Variants in PARD6G observed in about 807,000 individuals in gnomAD.
PARD6G encodes the protein partitioning defective 6 homolog gamma.
A neutral mutation model predicts 10.7 loss-of-function variants in PARD6G; 7 were observed. That is an observed-to-expected ratio of 0.66 (90% CI 0.37 to 1.23). The LOEUF (loss-of-function observed/expected upper bound fraction) is 1.23, where lower values mean the gene tolerates loss of function less well. Among genes scored for constraint, PARD6G ranks in the 50% most tolerant of loss-of-function variants. PARD6G has a pLI of 0.02. For missense variants in PARD6G, 548 were observed against 571.8 expected (o/e 0.96, Z 0.42); for synonymous variants, 287 against 269.4 (o/e 1.07, Z -0.64).
chr18:80,243,328 G>C (rs1967509426), intron 1 of PARD6G, among the ~76,000 whole-genome samples: 1 of 152,124 alleles, frequency 6.6e-6, no homozygotes, highest in Non-Finnish European at 1.5e-5. Flanking sequence ...AGTTAGAGGG[G>C]AAGCCGGCTA....
Position 80,246,323 on chromosome 18 carries a change from A to C in PARD6G, c.72+954T>G, listed in dbSNP as rs554180230. ...CCTCCTCAGCCCGCGGGGTCCACCAAGGAGACCCTCACAAACAATAGCATC... is the reference window on the plus strand; with the variant it reads ...CCTCCTCAGCCCGCGGGGTCCACCACGGAGACCCTCACAAACAATAGCATC... On this transcript the variant is annotated intron_variant, in intron 1 of 2. Transcript: ENST00000353265. The surrounding 1 kb of genome is among the most constrained non-coding windows in gnomAD (Gnocchi z 6.7). Among the ~76,000 whole-genome samples, 182 of 152,276 alleles carry C rather than the reference A, an allele frequency of 1.2e-3. No homozygotes were observed. Among genetic ancestry groups the C allele is most frequent in the African/African-American group, 4.2e-3 (173 of 41,566 alleles).
At chr18:80,208,625 C>A (rs562104033) in intron 1 of PARD6G, among the ~76,000 whole-genome samples, 1 of 152,236 alleles carries the variant, frequency 6.6e-6, no homozygotes, top group East Asian at 1.9e-4. Context: ...ATACTCAAGC[C>A]AGGCATGGTG....
intron 2 of PARD6G, 179 bp downstream of exon 2, chr18:80,202,531 G>A: frequency 1.8e-6 from 1 of 567,076 alleles, no homozygotes; most frequent in South Asian, 2.1e-5. Context: ...ATTTAAAGTA[G>A]AAAACACAGT....
Position 80,201,004 on chromosome 18 carries a change from T to C in PARD6G, c.295+1706A>G, listed in dbSNP as rs1185544050. 6.6e-6 allele frequency among the ~76,000 whole-genome samples: 1 copy of C among 152,104 alleles called. No individual in the cohort carries two copies. Among genetic ancestry groups the C allele is most frequent in the Non-Finnish European group, 1.5e-5 (1 of 68,016 alleles). ...GCGCACATCTGCAGTTTACACACCTTCTTCACACCATTGCTCACCCCACAC... is the reference window on the plus strand; with the variant it reads ...GCGCACATCTGCAGTTTACACACCTCCTTCACACCATTGCTCACCCCACAC... On this transcript the variant is annotated intron_variant, in intron 2 of 2. Transcript: ENST00000353265. This position sits in a 1 kb window ranked among gnomAD's most constrained non-coding sequence, Gnocchi z 5.9.
rs904425986 is a variant in PARD6G at position 80,159,488 on chromosome 18, A to T, written c.*283T>A. On this transcript the variant is annotated 3_prime_UTR_variant, in exon 3 of 3. Transcript: ENST00000353265. ...AGTATTTGTAAAAATTTTAAAAAGC[A>T]TTTTTTTGCACTTGGTCAGATCTTT... 21 of 357,620 alleles carry T rather than the reference A, an allele frequency of 5.9e-5. No individual in the cohort carries two copies. Among genetic ancestry groups the T allele is most frequent in the Non-Finnish European group, 9.2e-5 (19 of 205,908 alleles). 22.2% of individuals were successfully genotyped at this position (357,620 alleles called of 1,614,324 possible). A position where few individuals can be genotyped will look rare whatever the true frequency, so the allele number is the denominator to read the frequency against.
chr18:80,172,692 C>G (rs1210949743), intron 2 of PARD6G, among the ~76,000 whole-genome samples: 4 of 152,126 alleles, frequency 2.6e-5, no homozygotes, highest in Non-Finnish European at 5.9e-5. Context: ...GCTGGGTTGT[C>G]TTTTCTATTG....
intron 1 of PARD6G, among the ~76,000 whole-genome samples, chr18:80,220,696 C>T (rs1419575057): frequency 6.6e-6 from 1 of 151,814 alleles, no homozygotes; most frequent in Non-Finnish European, 1.5e-5. Flanking sequence ...CTGCAACCTC[C>T]ACCTCCCAGG....
At chr18:80,229,087 T>C (rs949060158) in intron 1 of PARD6G, among the ~76,000 whole-genome samples, 1 of 152,114 alleles carries the variant, frequency 6.6e-6, no homozygotes, top group Non-Finnish European at 1.5e-5. Flanking sequence ...TACAGGTGCA[T>C]GCCACCACAC....
In PARD6G at chr18:80,183,267, G is replaced by A. The variant is rs577756037; in HGVS notation, c.295+19443C>T. ...GATAGGCATGGAGAAGAGCAAAGCC[G>A]CATACAGGCATAGTGGAAAAGTACG... is the stretch of plus-strand genomic sequence containing the variant. On this transcript the variant is annotated intron_variant, in intron 2 of 2. Transcript: ENST00000353265. This position sits in a 1 kb window ranked among gnomAD's most constrained non-coding sequence, Gnocchi z 4.5. The A allele has an allele frequency of 4.7e-5, 32 of 681,190 alleles. 1 individual carries two copies. Among genetic ancestry groups the A allele is most frequent in the South Asian group, 3.8e-4 (25 of 65,266 alleles). The allele number at this position is 681,190 out of a possible 1,614,324, so 42.2% of individuals were successfully genotyped here.
chr18:80,243,524 T>C (rs746308937), intron 1 of PARD6G, among the ~76,000 whole-genome samples: 2 of 152,288 alleles, frequency 1.3e-5, no homozygotes, highest in Middle Eastern at 3.4e-3. Context: ...ACGATGACAC[T>C]GTGTTAGCTT....
intron 1 of PARD6G, among the ~76,000 whole-genome samples, chr18:80,216,234 A>C (rs1408582719): frequency 6.6e-6 from 1 of 152,134 alleles, no homozygotes; most frequent in Non-Finnish European, 1.5e-5. Flanking sequence ...GAAGATCAAC[A>C]AAAAATAGAA....
Position 80,228,596 on chromosome 18 carries a change from G to A in PARD6G, c.72+18681C>T, listed in dbSNP as rs1313203181. Among the ~76,000 whole-genome samples, 1 of 148,866 alleles carries A rather than the reference G, an allele frequency of 6.7e-6. No homozygotes were observed. The highest frequency in any genetic ancestry group is 2.0e-4 in the East Asian group (1 of 5,002). On this transcript the variant is annotated intron_variant, in intron 1 of 2. Coordinates refer to ENST00000353265, the MANE Select transcript of PARD6G (RefSeq NM_032510.4). The surrounding 1 kb of genome is among the most constrained non-coding windows in gnomAD (Gnocchi z 4.6). The stretch of plus-strand genomic sequence containing the variant: ...CAGGCCCACAGACTGCATCTCCTAA[G>A]ATGCAGCCCTGAAGCCCCACCCCCA...
intron 2 of PARD6G, among the ~76,000 whole-genome samples, chr18:80,195,570 TATAC>T (rs1427563979): frequency 0.012 from 1,053 of 88,578 alleles, 14 homozygotes; most frequent in African/African-American, 0.03. Context: ...TATATATATA[TATAC>T]ACACATTTTT....
intron 1 of PARD6G, among the ~76,000 whole-genome samples, chr18:80,234,087 T>C (rs1422627602): frequency 1.3e-5 from 2 of 152,100 alleles, no homozygotes; most frequent in Non-Finnish European, 2.9e-5. Flanking sequence ...TCACCATGAG[T>C]GAAGCTGCTG....
At chr18:80,164,675 A>G (rs1384015366) in intron 2 of PARD6G, among the ~76,000 whole-genome samples, 1 of 152,218 alleles carries the variant, frequency 6.6e-6, no homozygotes, top group East Asian at 1.9e-4. Flanking sequence ...CGTAGGTTCT[A>G]TTTTCCATAA....
intron 2 of PARD6G, among the ~76,000 whole-genome samples, chr18:80,179,944 C>A (rs992626850): frequency 7.9e-5 from 12 of 152,226 alleles, no homozygotes; most frequent in African/African-American, 2.9e-4. Context: ...GCTGCCTGGC[C>A]CATCTCAGAG....
At chr18:80,213,117 G>C (rs190544834) in intron 1 of PARD6G, among the ~76,000 whole-genome samples, 1 of 152,126 alleles carries the variant, frequency 6.6e-6, no homozygotes, top group Non-Finnish European at 1.5e-5. Context: ...AGAACCTATC[G>C]ATGATAAGTG....
At chr18:80,239,106 A>C (rs1303681671) in intron 1 of PARD6G, among the ~76,000 whole-genome samples, 1 of 152,062 alleles carries the variant, frequency 6.6e-6, no homozygotes, top group Non-Finnish European at 1.5e-5. Context: ...ACTGTCTATG[A>C]AGTATGGGAT....
At chr18:80,205,123 G>T (rs1166848790) in intron 1 of PARD6G, among the ~76,000 whole-genome samples, 1 of 152,146 alleles carries the variant, frequency 6.6e-6, no homozygotes, top group African/African-American at 2.4e-5. Context: ...AGGGGCAGAG[G>T]AAAGGGCTCT....
Sources: gnomAD v4.1 joint callset for allele counts (sites outside exome capture counted in the v4.1 genomes callset) on GRCh38, gnomAD v4.1.1 for gene constraint, Gnocchi (gnomAD v3.1) non-coding constraint, MANE v1.5 for transcripts, NCBI Gene and HGNC (gene_info 2026-07-23, HGNC 2026-07-21) for gene names.